Variants in MGST2 observed in about 807,000 individuals in gnomAD.
MGST2 encodes the protein microsomal glutathione S-transferase 2, also known as glutathione peroxidase MGST2.
Under a neutral mutation model 16.6 loss-of-function variants are expected in MGST2, and 9 were observed. The ratio of observed to expected loss-of-function variants is 0.54; its 90% CI spans 0.33 to 0.95. The LOEUF (loss-of-function observed/expected upper bound fraction) is 0.95, where lower values mean the gene tolerates loss of function less well. MGST2 is among the 40% of genes least tolerant of loss of function. The pLI, the probability that MGST2 is intolerant of heterozygous loss-of-function variation, is 0.03. For missense variants in MGST2, 159 were observed against 175.1 expected, an observed-to-expected ratio of 0.91 and a Z score of 0.52; for synonymous variants, 79 against 68.0, an observed-to-expected ratio of 1.16 and a Z score of -0.79.
chr4:139,703,134 C>T (rs1160211014), intron 3 of MGST2, among the ~76,000 whole-genome samples: 1 of 151,724 alleles, frequency 6.6e-6, no homozygotes, highest in African/African-American at 2.4e-5. Context: ...CAATGTTGGC[C>T]AGGCTGGTCT....
At chr4:139,734,879 T>C (rs1323740337) in intron 5 of MGST2, among the ~76,000 whole-genome samples, 4 of 152,234 alleles carry the variant, frequency 2.6e-5, no homozygotes, top group Non-Finnish European at 5.9e-5. Flanking sequence ...GGGGACCCCG[T>C]GGATAACGGG....
chr4:139,678,513 C>G (rs1325511387), intron 1 of MGST2, 30 bp from the exon 2 acceptor site: 1 of 1,564,614 alleles, frequency 6.4e-7, no homozygotes, highest in South Asian at 1.1e-5. Flanking sequence ...CGTGCCCCAT[C>G]TTTAACGCAA....
chr4:139,734,780 GT>G (rs1479178412), intron 5 of MGST2, among the ~76,000 whole-genome samples: 1 of 152,288 alleles, frequency 6.6e-6, no homozygotes, highest in Non-Finnish European at 1.5e-5. Flanking sequence ...CATGCATAGT[GT>G]TTGGGTGAGA....
chr4:139,693,676 CA>C (rs1429430596), intron 2 of MGST2, among the ~76,000 whole-genome samples: 1 of 152,116 alleles, frequency 6.6e-6, no homozygotes, highest in Non-Finnish European at 1.5e-5. Context: ...CGAGAAGCAG[CA>C]GGAGGAAAAA....
At chr4:139,719,037 G>A in intron 5 of MGST2, 1 of 390,226 alleles carries the variant, frequency 2.6e-6, no homozygotes. Flanking sequence ...GCTGGGCAGA[G>A]GGGCTCTGGC....
the MGST2 span, among the ~76,000 whole-genome samples, chr4:139,752,861 G>A: frequency 2.2e-4 from 33 of 152,286 alleles, no homozygotes; most frequent in African/African-American, 6.5e-4. Flanking sequence ...CTGTTAATGC[G>A]ATGTCATTAG....
At chr4:139,736,167 AT>A (rs1491350873) in intron 5 of MGST2, among the ~76,000 whole-genome samples, 1 of 152,068 alleles carries the variant, frequency 6.6e-6, no homozygotes, top group Non-Finnish European at 1.5e-5. Context: ...GTAAAAAAAA[AT>A]TTTTTTTAAA....
intron 2 of MGST2, among the ~76,000 whole-genome samples, chr4:139,694,004 G>C (rs994695316): frequency 6.6e-6 from 1 of 152,118 alleles, no homozygotes; most frequent in African/African-American, 2.4e-5. Context: ...CATTGAGCTT[G>C]TTAATGATGC....
At chr4:139,717,873 T>TGACA (rs1728052886) in intron 5 of MGST2, 2 of 152,108 alleles carry the variant, frequency 1.3e-5, no homozygotes, top group Non-Finnish European at 2.9e-5. Flanking sequence ...TGATTCCTTC[T>TGACA]GACAGATTTC....
In MGST2 at chr4:139,735,956, C is replaced by T. The variant is rs374660291; in HGVS notation, c.*49-4256C>T. Among the ~76,000 whole-genome samples the T allele has an allele frequency of 3.9e-4, 60 of 152,190 alleles. No individual in the cohort carries two copies. The East Asian group carries it at 7.0e-3, about 18-fold the overall frequency. On this transcript the variant is annotated intron_variant, in intron 5 of 5. Coordinates refer to the MGST2 transcript ENST00000616265. This position sits in a 1 kb window ranked among gnomAD's most constrained non-coding sequence, Gnocchi z 5.8. ...CGAGGCTGCGGTGTGCTCCAGCGGG[C>T]GCATTTCCCAGGCCCCGCCACATCG... is the stretch of plus-strand genomic sequence containing the variant.
chr4:139,703,615 A>T, intron 4 of MGST2, 79 bp downstream of exon 4: 1 of 1,311,874 alleles, frequency 7.6e-7, no homozygotes, highest in Admixed American at 1.7e-5. Flanking sequence ...CTCCTGAGAG[A>T]TATTAACAGC....
At chr4:139,669,505 G>A (rs903670023) in intron 1 of MGST2, among the ~76,000 whole-genome samples, 8 of 152,194 alleles carry the variant, frequency 5.3e-5, no homozygotes, top group African/African-American at 1.9e-4. Flanking sequence ...TGGGACGCTG[G>A]GGAGGAAATC....
At chr4:139,719,624 C>T (rs546617174) in intron 5 of MGST2, 23 of 1,612,246 alleles carry the variant, frequency 1.4e-5, no homozygotes, top group Non-Finnish European at 1.8e-5. Flanking sequence ...CTGGCTGGTG[C>T]CTTGCTGCCC....
chr4:139,742,230 C>A (rs1729194004), downstream of MGST2, among the ~76,000 whole-genome samples: 1 of 151,760 alleles, frequency 6.6e-6, no homozygotes, highest in South Asian at 2.1e-4. Flanking sequence ...CTCACTGCAA[C>A]CTCCGCCTCC....
At chr4:139,733,446 C>T (rs1728802721) in intron 5 of MGST2, among the ~76,000 whole-genome samples, 1 of 151,888 alleles carries the variant, frequency 6.6e-6, no homozygotes, top group South Asian at 2.1e-4. Flanking sequence ...TCCCAGCCTC[C>T]TCTCCACTGG....
intron 2 of MGST2, among the ~76,000 whole-genome samples, chr4:139,694,083 C>T (rs375048867): frequency 2.0e-5 from 3 of 151,772 alleles, no homozygotes; most frequent in African/African-American, 7.3e-5. Flanking sequence ...GAGTTTTTTC[C>T]CATGTAGTTG....
At chr4:139,734,553 C>G (rs1275115076) in intron 5 of MGST2, among the ~76,000 whole-genome samples, 1 of 152,192 alleles carries the variant, frequency 6.6e-6, no homozygotes, top group African/African-American at 2.4e-5. Flanking sequence ...ACCAACGAAC[C>G]TATTTTACAT....
chr4:139,719,410 G>T (rs373309120), intron 5 of MGST2: 2 of 1,613,984 alleles, frequency 1.2e-6, no homozygotes, highest in South Asian at 2.2e-5. Context: ...GGTCTGCACC[G>T]TCCGGGAGGC....
intron 1 of MGST2, among the ~76,000 whole-genome samples, chr4:139,667,235 G>C (rs143120492): frequency 1.3e-5 from 2 of 152,042 alleles, no homozygotes; most frequent in African/African-American, 2.4e-5. Flanking sequence ...TATAGTTCAC[G>C]ATGTACGGAG....
Sources: allele counts gnomAD v4.1 joint callset (sites outside exome capture counted in the v4.1 genomes callset), GRCh38; gene constraint gnomAD v4.1.1; non-coding constraint Gnocchi (gnomAD v3.1); transcripts MANE v1.5; gene names NCBI Gene and HGNC (gene_info 2026-07-23, HGNC 2026-07-21).